The following ZEB2 variants were observed in gnomAD, a reference collection of about 807,000 sequenced individuals.
ZEB2 encodes zinc finger E-box binding homeobox 2, also known as zinc finger E-box-binding homeobox 2.
ZEB2 carries 6 observed loss-of-function variants against 99.9 expected under a neutral mutation model. The ratio of observed to expected loss-of-function variants is 0.06; its 90% CI spans 0.03 to 0.12. The LOEUF (loss-of-function observed/expected upper bound fraction) is 0.12, where lower values mean the gene tolerates loss of function less well. Among genes scored for constraint, ZEB2 ranks in the 10% least tolerant of loss-of-function variants. The pLI, the probability that ZEB2 is intolerant of heterozygous loss-of-function variation, is 1.00. For synonymous variants in ZEB2, 517 were observed against 542.5 expected (o/e 0.95, Z 0.65); for missense variants, 969 against 1,502.8 (o/e 0.64, Z 5.87).
intron 6 of ZEB2, among the ~76,000 whole-genome samples, chr2:144,401,830 A>C (rs1183546303): frequency 2.0e-5 from 3 of 152,198 alleles, no homozygotes; most frequent in Admixed American, 1.3e-4. Context: ...CCCAATCCCA[A>C]ACCAAAAACA....
At chr2:144,460,631 A>G (rs901645709) in intron 2 of ZEB2, among the ~76,000 whole-genome samples, 5 of 152,142 alleles carry the variant, frequency 3.3e-5, no homozygotes, top group Non-Finnish European at 5.9e-5. Context: ...TTTTTTTTTA[A>G]GGAAAAAGAA....
intron 2 of ZEB2, among the ~76,000 whole-genome samples, chr2:144,474,262 G>C (rs1704400728): frequency 3.3e-5 from 5 of 152,146 alleles, no homozygotes; most frequent in Admixed American, 3.3e-4. Context: ...TCTTCTCCTG[G>C]CCTGGAGGTG....
At chr2:144,433,355 A>C (rs1560622419) in intron 2 of ZEB2, among the ~76,000 whole-genome samples, 1 of 152,236 alleles carries the variant, frequency 6.6e-6, no homozygotes, top group East Asian at 1.9e-4. Context: ...CTATAATTAT[A>C]TACAGGTACT....
At chr2:144,513,143 T>C (rs1235776585) in intron 2 of ZEB2, 7 of 1,285,624 alleles carry the variant, frequency 5.4e-6, no homozygotes, top group Non-Finnish European at 6.1e-6. Context: ...TTTTCTTTCC[T>C]TTTCATTTAA....
intron 2 of ZEB2, among the ~76,000 whole-genome samples, chr2:144,499,462 T>C (rs1704837753): frequency 6.6e-6 from 1 of 152,200 alleles, no homozygotes; most frequent in South Asian, 2.1e-4. Flanking sequence ...GTTGATAGCA[T>C]AATGTTTTGT....
intron 2 of ZEB2, among the ~76,000 whole-genome samples, chr2:144,479,683 T>TTGGG (rs1491434208): frequency 1.9e-5 from 1 of 52,544 alleles, no homozygotes; most frequent in Non-Finnish European, 4.3e-5. Context: ...TACTTTTTTT[T>TTGGG]GGGGGGGGGG....
At chr2:144,401,007 C>T (rs1199227346) in intron 7 of ZEB2, among the ~76,000 whole-genome samples, 192 bp downstream of exon 7, 3 of 152,192 alleles carry the variant, frequency 2.0e-5, no homozygotes, top group African/African-American at 4.8e-5. Flanking sequence ...AAGCATTCTG[C>T]TTCTTTTTAT....
chr2:144,394,784 T>C (rs1048567345), intron 9 of ZEB2, among the ~76,000 whole-genome samples: 30 of 152,162 alleles, frequency 2.0e-4, no homozygotes, highest in Non-Finnish European at 3.8e-4. Flanking sequence ...AACCCTGTTA[T>C]TTATCAACCT....
chr2:144,452,227 G>T (rs149472183), intron 2 of ZEB2, among the ~76,000 whole-genome samples: 35 of 152,230 alleles, frequency 2.3e-4, no homozygotes, highest in African/African-American at 8.2e-4. Flanking sequence ...TAGACGGGTA[G>T]GAAATATGCT....
At chr2:144,436,046 G>A (rs943411964) in intron 2 of ZEB2, among the ~76,000 whole-genome samples, 6 of 151,812 alleles carry the variant, frequency 4.0e-5, no homozygotes, top group African/African-American at 7.3e-5. Flanking sequence ...TGACAAATAC[G>A]TATTACAAGG....
intron 2 of ZEB2, chr2:144,512,541 A>C: frequency 7.8e-7 from 1 of 1,287,216 alleles, no homozygotes; most frequent in Non-Finnish European, 1.0e-6. Context: ...TGAGCAGGGA[A>C]CTTTAATCTT....
intron 4 of ZEB2, among the ~76,000 whole-genome samples, chr2:144,420,668 T>A (rs1573736269): frequency 6.6e-6 from 1 of 152,092 alleles, no homozygotes; most frequent in African/African-American, 2.4e-5. Context: ...TGTTCAGAGA[T>A]GACCACATTA....
At chr2:144,438,616 G>A (rs1341613512) in intron 2 of ZEB2, among the ~76,000 whole-genome samples, 1 of 152,080 alleles carries the variant, frequency 6.6e-6, no homozygotes, top group African/African-American at 2.4e-5. Context: ...CCAAAGAAAT[G>A]CCTGAAAGGG....
intron 2 of ZEB2, among the ~76,000 whole-genome samples, chr2:144,431,394 G>T (rs991825285): frequency 1.3e-5 from 2 of 151,820 alleles, no homozygotes; most frequent in African/African-American, 4.8e-5. Context: ...AAAAGAGAGA[G>T]ATTTTTTTTT....
chr2:144,395,320 CTTCT>C (rs1343717279), intron 9 of ZEB2, among the ~76,000 whole-genome samples: 1 of 151,990 alleles, frequency 6.6e-6, no homozygotes, highest in African/African-American at 2.4e-5. Context: ...TTCTGTCTTC[CTTCT>C]TTTTCTTTTG....
At chr2:144,486,558 G>T (rs914954994) in intron 2 of ZEB2, among the ~76,000 whole-genome samples, 1 of 151,990 alleles carries the variant, frequency 6.6e-6, no homozygotes, top group African/African-American at 2.4e-5. Context: ...TTATGGAAAT[G>T]ATCTTTAATA....
intron 9 of ZEB2, among the ~76,000 whole-genome samples, chr2:144,392,637 T>C (rs1014731042): frequency 1.3e-5 from 2 of 152,220 alleles, no homozygotes; most frequent in East Asian, 1.9e-4. Flanking sequence ...AGTCTACTGA[T>C]CTCCAGAAGT....
intron 2 of ZEB2, among the ~76,000 whole-genome samples, chr2:144,477,336 TAAAACTAA>T (rs1704443976): frequency 6.6e-6 from 1 of 152,238 alleles, no homozygotes; most frequent in African/African-American, 2.4e-5. Context: ...TTGTTAAAAG[TAAAACTAA>T]AAGCCCAGCA....
At chr2:144,517,630 C>G in intron 1 of ZEB2, 2 of 684,578 alleles carry the variant, frequency 2.9e-6, no homozygotes, top group Non-Finnish European at 2.7e-6. Context: ...GTGTTGCACC[C>G]GCGAGGGGAT....
Sources: gnomAD v4.1 joint callset for allele counts (sites outside exome capture counted in the v4.1 genomes callset) on GRCh38, gnomAD v4.1.1 for gene constraint, MANE v1.5 for transcripts, NCBI Gene and HGNC (gene_info 2026-07-23, HGNC 2026-07-21) for gene names.